AFF3: variants seen among roughly 807,000 people sequenced by gnomAD.
The protein encoded by AFF3 is ALF transcription elongation factor 3.
AFF3 carries 32 observed loss-of-function variants against 129.7 expected under a neutral mutation model. The ratio of observed to expected loss-of-function variants is 0.25; its 90% CI spans 0.19 to 0.33. The LOEUF is 0.33. AFF3 is among the 10% of genes least tolerant of loss of function. The pLI is 1.00. For missense variants in AFF3, 1,373 were observed against 1,592.0 expected (o/e 0.86, Z 2.34); for synonymous variants, 644 against 635.4 (o/e 1.01, Z -0.20).
chr2:99,641,883 C>T (rs768842992), intron 13 of AFF3, among the ~76,000 whole-genome samples: 3 of 152,098 alleles, frequency 2.0e-5, no homozygotes, highest in Non-Finnish European at 2.9e-5. Context: ...TGTATGCCAG[C>T]GTTGTGGTAT....
chr2:99,684,254 A>G (rs1299069877), intron 11 of AFF3, among the ~76,000 whole-genome samples: 2 of 152,234 alleles, frequency 1.3e-5, no homozygotes, highest in African/African-American at 4.8e-5. Context: ...AAGACTCATC[A>G]TGGAATTTTA....
chr2:99,692,020 C>T (rs1338613930), intron 11 of AFF3, among the ~76,000 whole-genome samples: 5 of 152,188 alleles, frequency 3.3e-5, no homozygotes. Flanking sequence ...GCCTTCTCCC[C>T]CTTCTTGGAG....
chr2:100,079,010 G>C (rs1253457750), intron 4 of AFF3, among the ~76,000 whole-genome samples: 1 of 148,686 alleles, frequency 6.7e-6, no homozygotes, highest in Non-Finnish European at 1.5e-5. Context: ...GCAGTGGCGT[G>C]ATCTCGGTTC....
chr2:99,931,642 C>T (rs2106302031), intron 7 of AFF3, among the ~76,000 whole-genome samples: 1 of 152,344 alleles, frequency 6.6e-6, no homozygotes, highest in African/African-American at 2.4e-5. Context: ...GGTGCAGTGG[C>T]TCACGCCTGT....
At chr2:99,764,883 G>C in intron 8 of AFF3, among the ~76,000 whole-genome samples, 1 of 151,878 alleles carries the variant, frequency 6.6e-6, no homozygotes, top group Non-Finnish European at 1.5e-5. Context: ...GCAATAATTG[G>C]CCTGATTTTA....
chr2:99,981,179 C>T (rs1018830848), intron 7 of AFF3, among the ~76,000 whole-genome samples: 7 of 152,030 alleles, frequency 4.6e-5, no homozygotes, highest in African/African-American at 1.4e-4. Context: ...CCACCATGCC[C>T]GGCTAATTTT....
At chr2:99,881,670 T>C (rs1576265657) in intron 7 of AFF3, among the ~76,000 whole-genome samples, 1 of 151,672 alleles carries the variant, frequency 6.6e-6, no homozygotes, top group East Asian at 1.9e-4. Context: ...TGTGCACGCA[T>C]TCACTTTTTT....
intron 8 of AFF3, among the ~76,000 whole-genome samples, chr2:99,828,427 G>A (rs112626008): frequency 6.6e-5 from 10 of 152,300 alleles, no homozygotes; most frequent in African/African-American, 2.2e-4. Flanking sequence ...CTCCAGCACT[G>A]GCTGCTGGAG....
intron 4 of AFF3, among the ~76,000 whole-genome samples, chr2:100,065,053 T>C (rs189995688): frequency 6.6e-6 from 1 of 152,342 alleles, no homozygotes; most frequent in African/African-American, 2.4e-5. Context: ...CCAGAAAATA[T>C]AATTCACGCA....
At position 100,000,318 on chromosome 2, in the gene AFF3, AC is replaced by A. The variant is rs1243948190; in HGVS notation, c.873+6313del. On this transcript the variant is annotated intron_variant, in intron 7 of 24. Transcript: ENST00000672756. Reference sequence around the variant, plus strand: ...TAATAATAGCTCAGAAAAAACAAATACGCAGAAAAAGAGAGAAAAGGTGATC... The same window carrying A: ...TAATAATAGCTCAGAAAAAACAAATAGCAGAAAAAGAGAGAAAAGGTGATC... Among the ~76,000 whole-genome samples the A allele has an allele frequency of 3.9e-5, 6 of 152,298 alleles. No homozygotes were observed. In the South Asian group the frequency reaches 1.0e-3, roughly 26 times the overall value.
At chr2:100,106,704 C>G (rs1294140540) in intron 2 of AFF3, 6 of 985,904 alleles carry the variant, frequency 6.1e-6, no homozygotes, top group Non-Finnish European at 2.4e-6. Flanking sequence ...CCGGCCCTCA[C>G]CGGGATCTGG....
At chr2:99,679,106 C>G (rs540592694) in intron 11 of AFF3, among the ~76,000 whole-genome samples, 78 of 152,316 alleles carry the variant, frequency 5.1e-4, no homozygotes, top group Non-Finnish European at 1.0e-3. Context: ...AAATCAGGAA[C>G]AAGATGAAGG....
In AFF3 at chr2:100,016,614, ATGGTGATGGTGGTGG is replaced by A. The variant is rs1266132620; in HGVS notation, c.54-7697_54-7683del. Among the ~76,000 whole-genome samples, 18 of 95,570 alleles carry A rather than the reference ATGGTGATGGTGGTGG, an allele frequency of 1.9e-4. 1 individual carries two copies. Among genetic ancestry groups the A allele is most frequent in the African/African-American group, 8.4e-4 (18 of 21,418 alleles). 62.7% of individuals were successfully genotyped at this position (95,570 alleles called of 152,430 possible). ...GATGGTGGTGGTGGTAGTGGTGGTA[ATGGTGATGGTGGTGG>A]TGGTGATGGTGGTGGTAATGGTGTT... On this transcript the variant is annotated intron_variant, in intron 4 of 24. Coordinates refer to ENST00000672756, the MANE Select transcript of AFF3 (RefSeq NM_001386135.1).
chr2:100,118,674 T>G (rs1691825267), intron 2 of AFF3, among the ~76,000 whole-genome samples: 1 of 152,110 alleles, frequency 6.6e-6, no homozygotes, highest in South Asian at 2.1e-4. Context: ...TAGGTCATCA[T>G]TTTTGGCCCC....
At position 99,956,046 on chromosome 2, in the gene AFF3, C is replaced by G. The variant is rs116808682; in HGVS notation, c.873+50586G>C. Among the ~76,000 whole-genome samples the G allele has an allele frequency of 7.8e-3, 1,181 of 151,180 alleles. 15 individuals are homozygous for G. The highest frequency in any genetic ancestry group is 0.028 in the African/African-American group (1,138 of 41,280). On this transcript the variant is annotated intron_variant, in intron 7 of 24. Transcript: ENST00000672756. Reference sequence around the variant, plus strand: ...AGGCATCAGAAAGGAAAAATAAAAGCAGAAAAACTGAGAACTGTGTGTGGA... The same window carrying G: ...AGGCATCAGAAAGGAAAAATAAAAGGAGAAAAACTGAGAACTGTGTGTGGA...
At chr2:99,940,425 G>A (rs1180749880) in intron 7 of AFF3, among the ~76,000 whole-genome samples, 1 of 152,128 alleles carries the variant, frequency 6.6e-6, no homozygotes, top group Non-Finnish European at 1.5e-5. Flanking sequence ...GAGACAGGAG[G>A]TCAGCACAAG....
chr2:100,027,793 T>C (rs1464875185), intron 4 of AFF3, among the ~76,000 whole-genome samples: 1 of 152,244 alleles, frequency 6.6e-6, no homozygotes, highest in Non-Finnish European at 1.5e-5. Flanking sequence ...AGTTTTTTTC[T>C]GACTAGTATT....
chr2:99,945,107 G>A (rs1421627842), intron 7 of AFF3, among the ~76,000 whole-genome samples: 1 of 152,174 alleles, frequency 6.6e-6, no homozygotes, highest in Non-Finnish European at 1.5e-5. Context: ...ATGTATAGAG[G>A]TAACTCATGC....
chr2:99,611,856 C>T (rs1680959663), intron 13 of AFF3, among the ~76,000 whole-genome samples: 1 of 150,826 alleles, frequency 6.6e-6, no homozygotes, highest in African/African-American at 2.4e-5. Flanking sequence ...TACTGCACTC[C>T]AGCCTGGGCG....
Sources: allele counts gnomAD v4.1 joint callset (sites outside exome capture counted in the v4.1 genomes callset), GRCh38; gene constraint gnomAD v4.1.1; transcripts MANE v1.5; gene names NCBI Gene and HGNC (gene_info 2026-07-23, HGNC 2026-07-21).